Variants in COL25A1 observed in about 807,000 individuals in gnomAD.
COL25A1 encodes the protein collagen type XXV alpha 1 chain.
In COL25A1, 103 loss-of-function variants were observed where a neutral mutation model predicts 128.4. The ratio of observed to expected loss-of-function variants is 0.80; its 90% CI spans 0.68 to 0.94. COL25A1 has a LOEUF of 0.94. COL25A1 is among the 40% of genes least tolerant of loss of function. The pLI is 0.00. For synonymous variants in COL25A1, 279 were observed against 277.2 expected (o/e 1.01, Z -0.06); for missense variants, 745 against 840.0 (o/e 0.89, Z 1.40).
At chr4:108,833,571 A>G (rs1020219998) in intron 31 of COL25A1, among the ~76,000 whole-genome samples, 9 of 152,342 alleles carry the variant, frequency 5.9e-5, no homozygotes, top group Admixed American at 3.3e-4. Flanking sequence ...TAGATTCATA[A>G]AAAATTGATT....
chr4:108,883,103 G>A (rs1047817365), intron 19 of COL25A1, among the ~76,000 whole-genome samples: 3 of 151,986 alleles, frequency 2.0e-5, no homozygotes, highest in Non-Finnish European at 2.9e-5. Flanking sequence ...GTATAGTGGC[G>A]TGATCTCGGC....
chr4:108,841,756 T>C (rs760906464), intron 30 of COL25A1, 35 bp from the exon 31 acceptor site: 14 of 1,519,650 alleles, frequency 9.2e-6, no homozygotes, highest in Non-Finnish European at 1.2e-5. Context: ...AATTAAGAAT[T>C]GATTCCCTGT....
chr4:108,851,891 A>G (rs377224459), intron 26 of COL25A1, among the ~76,000 whole-genome samples: 1 of 152,152 alleles, frequency 6.6e-6, no homozygotes, highest in South Asian at 2.1e-4. Context: ...ATTTTCTCTA[A>G]TCCTCCTTTA....
intron 13 of COL25A1, among the ~76,000 whole-genome samples, chr4:108,909,689 T>C (rs1560845098): frequency 1.3e-5 from 2 of 152,222 alleles, no homozygotes; most frequent in African/African-American, 2.4e-5. Context: ...GATAGCTAAA[T>C]TGACTTTATT....
chr4:109,015,075 T>A (rs931264572), intron 5 of COL25A1, among the ~76,000 whole-genome samples: 7 of 152,172 alleles, frequency 4.6e-5, no homozygotes, highest in Non-Finnish European at 1.0e-4. Context: ...GATATGGTAA[T>A]GGTATCTGCT....
chr4:108,825,914 C>A (rs931639029), intron 33 of COL25A1, among the ~76,000 whole-genome samples: 7 of 152,112 alleles, frequency 4.6e-5, no homozygotes, highest in Admixed American at 4.6e-4. Context: ...AATTCACTCC[C>A]ATGGTGCAGA....
At position 108,844,584 on chromosome 4, in the gene COL25A1, A is replaced by C. The variant is rs1401927112; in HGVS notation, c.1579-15T>G. 7.5e-6 allele frequency: 12 copies of C among 1,607,162 alleles called. No individual in the cohort carries two copies. Among genetic ancestry groups the C allele is most frequent in the Non-Finnish European group, 9.3e-6 (11 of 1,177,998 alleles). ...GGGCCTATGATCTGTATGTCCAAAA[A>C]ATAAAAATGTATTTGGTTACTTCAT... is the stretch of plus-strand genomic sequence containing the variant. On this transcript the variant is annotated splice_polypyrimidine_tract_variant and intron_variant, in intron 29 of 37. Transcript: ENST00000399132.
chr4:108,889,595 A>G (rs1200314108), intron 17 of COL25A1, 106 bp downstream of exon 17: 8 of 944,192 alleles, frequency 8.5e-6, no homozygotes, highest in Non-Finnish European at 1.3e-5. Flanking sequence ...GAGAATAAGA[A>G]CAGAGTTATA....
At chr4:109,089,054 C>A (rs966757558) in intron 3 of COL25A1, among the ~76,000 whole-genome samples, 2 of 152,124 alleles carry the variant, frequency 1.3e-5, no homozygotes, top group African/African-American at 4.8e-5. Flanking sequence ...GCTTCACCTG[C>A]CCATGACCAG....
chr4:108,844,368 T>C lies in COL25A1; in HGVS notation c.1629+151A>G, dbSNP rs1734826852. 62 of 1,348,702 alleles carry C rather than the reference T, an allele frequency of 4.6e-5. 2 individuals carry two copies. The South Asian group carries it at 7.9e-4, about 17-fold the overall frequency. The allele number at this position is 1,348,702 out of a possible 1,614,324, so 83.5% of individuals were successfully genotyped here. ...GAGAGTGAATGACAACACTGTAAAG[T>C]TAATATATCTCAAAGCACCTGGTAT... On this transcript the variant is annotated intron_variant, in intron 30 of 37. Coordinates refer to ENST00000399132, the MANE Select transcript of COL25A1 (RefSeq NM_198721.4).
intron 13 of COL25A1, among the ~76,000 whole-genome samples, chr4:108,915,921 C>A (rs1378813979): frequency 2.0e-5 from 3 of 152,074 alleles, no homozygotes. Flanking sequence ...GTTCAAGATT[C>A]CAGAAAAACA....
At chr4:108,955,704 G>T (rs554537241) in intron 8 of COL25A1, among the ~76,000 whole-genome samples, 5 of 152,110 alleles carry the variant, frequency 3.3e-5, no homozygotes, top group Non-Finnish European at 5.9e-5. Context: ...TATTCCGTTA[G>T]ATTCAGACAC....
chr4:109,271,389 T>C (rs1401395569), intron 3 of COL25A1, among the ~76,000 whole-genome samples: 2 of 152,216 alleles, frequency 1.3e-5, no homozygotes, highest in Non-Finnish European at 2.9e-5. Flanking sequence ...TCTTTTCTCT[T>C]TGACCTTAAA....
Position 109,116,455 on chromosome 4 carries a change from T to A in COL25A1, c.368-66276A>T, listed in dbSNP as rs75198669. Reference sequence around the variant, plus strand: ...GGAAAGGGGAAATAAGAAGCACTGGTGAGGTTCACAGCTCAAGGGCACAGC... The same window carrying A: ...GGAAAGGGGAAATAAGAAGCACTGGAGAGGTTCACAGCTCAAGGGCACAGC... On this transcript the variant is annotated intron_variant, in intron 3 of 37. Coordinates refer to ENST00000399132, the MANE Select transcript of COL25A1 (RefSeq NM_198721.4). 2.8e-3 allele frequency among the ~76,000 whole-genome samples: 422 copies of A among 152,104 alleles called. 3 individuals are homozygous for A. Among genetic ancestry groups the A allele is most frequent in the African/African-American group, 9.7e-3 (401 of 41,508 alleles).
At chr4:109,218,357 G>GTTTTTTGTTTGTTTGTTTGTTTTTTTTTT (rs1778164499) in intron 3 of COL25A1, among the ~76,000 whole-genome samples, 10 of 73,528 alleles carry the variant, frequency 1.4e-4, no homozygotes, top group African/African-American at 5.6e-4. Context: ...GTTTTTTGGG[G>GTTTTTTGTTTGTTTGTTTGTTTTTTTTTT]TTTTTTTTTT....
At chr4:109,096,833 C>G (rs1765437443) in intron 3 of COL25A1, among the ~76,000 whole-genome samples, 1 of 152,108 alleles carries the variant, frequency 6.6e-6, no homozygotes, top group South Asian at 2.1e-4. Flanking sequence ...ATTATGGGAC[C>G]AGTTGCTGAT....
rs1491241928 is a variant in COL25A1 at position 109,197,471 on chromosome 4, A to ATATATATTATATATAAATATTATATATT, written c.367+103111_367+103112insAATATATAATATTTATATATAATATATA. On this transcript the variant is annotated intron_variant, in intron 3 of 37. Coordinates refer to ENST00000399132, the MANE Select transcript of COL25A1 (RefSeq NM_198721.4). ...TATATTATATATAAATATTATATATAATATATATTATATATTATATATAAA... is the reference window on the plus strand; with the variant it reads ...TATATTATATATAAATATTATATATATATATATTATATATAAATATTATATATTATATATATTATATATTATATATAAA... Among the ~76,000 whole-genome samples, 117 of 119,732 alleles carry ATATATATTATATATAAATATTATATATT rather than the reference A, an allele frequency of 9.8e-4. 1 individual carries two copies. The highest frequency in any genetic ancestry group is 3.8e-3 in the East Asian group (18 of 4,766). 78.5% of individuals were successfully genotyped at this position (119,732 alleles called of 152,430 possible). A position where few individuals can be genotyped will look rare whatever the true frequency, so the allele number is the denominator to read the frequency against.
At chr4:109,147,979 T>C (rs1443262076) in intron 3 of COL25A1, among the ~76,000 whole-genome samples, 1 of 151,976 alleles carries the variant, frequency 6.6e-6, no homozygotes, top group Non-Finnish European at 1.5e-5. Flanking sequence ...GAGCTAAGAG[T>C]TCAGGAGAGA....
chr4:109,200,010 C>G (rs1201844412), intron 3 of COL25A1, among the ~76,000 whole-genome samples: 1 of 152,172 alleles, frequency 6.6e-6, no homozygotes, highest in African/African-American at 2.4e-5. Context: ...ACAGAGTAAC[C>G]TAGCTTAAAC....
Sources: gnomAD v4.1 joint callset for allele counts (sites outside exome capture counted in the v4.1 genomes callset) on GRCh38, gnomAD v4.1.1 for gene constraint, MANE v1.5 for transcripts, NCBI Gene and HGNC (gene_info 2026-07-23, HGNC 2026-07-21) for gene names.